Variants in MACROD2 observed in about 807,000 individuals in gnomAD.
The protein encoded by MACROD2 is ADP-ribose glycohydrolase MACROD2.
MACROD2 carries 36 observed loss-of-function variants against 70.4 expected under a neutral mutation model. The ratio of observed to expected loss-of-function variants is 0.51; its 90% CI spans 0.39 to 0.68. The LOEUF is 0.68. MACROD2 is among the 30% of genes least tolerant of loss of function. The pLI is 0.00. For missense variants in MACROD2, 496 were observed against 538.4 expected (o/e 0.92, Z 0.78); for synonymous variants, 172 against 178.8 (o/e 0.96, Z 0.30).
At chr20:15,215,574 T>C (rs1464376304) in intron 5 of MACROD2, among the ~76,000 whole-genome samples, 1 of 151,988 alleles carries the variant, frequency 6.6e-6, no homozygotes, top group African/African-American at 2.4e-5. Flanking sequence ...AAAATTTGTA[T>C]AAAACTATAT....
chr20:14,703,620 G>T (rs1313827531), intron 5 of MACROD2, among the ~76,000 whole-genome samples: 1 of 152,196 alleles, frequency 6.6e-6, no homozygotes, highest in Non-Finnish European at 1.5e-5. Context: ...GAGGCTTGAG[G>T]CCAGGAGTTC....
rs539132723 is a variant in MACROD2, at chr20:15,236,683, G to A, written c.540+6622G>A. ...AGCCAAAACCAAGGTGATGCATATC[G>A]TGATTCTGTTTCTCCACTAGCTAAG... is the stretch of plus-strand genomic sequence containing the variant. On this transcript the variant is annotated intron_variant, in intron 6 of 17. Transcript: ENST00000684519. Among the ~76,000 whole-genome samples, 3 of 152,280 alleles carry A rather than the reference G, an allele frequency of 2.0e-5. No homozygotes were observed. The South Asian group carries it at 6.2e-4, about 32-fold the overall frequency.
At chr20:15,414,472 A>G (rs1386535227) in intron 6 of MACROD2, among the ~76,000 whole-genome samples, 2 of 152,236 alleles carry the variant, frequency 1.3e-5, no homozygotes, top group Non-Finnish European at 2.9e-5. Context: ...TGTCATGGAC[A>G]GGTAGAAACC....
intron 8 of MACROD2, among the ~76,000 whole-genome samples, chr20:15,772,916 G>A (rs1391075029): frequency 6.6e-6 from 1 of 152,062 alleles, no homozygotes. Context: ...ATCAGATCTT[G>A]TGAGAACTCA....
At chr20:14,227,650 G>A (rs1197955400) in intron 3 of MACROD2, among the ~76,000 whole-genome samples, 2 of 152,332 alleles carry the variant, frequency 1.3e-5, no homozygotes, top group Non-Finnish European at 2.9e-5. Context: ...GAGGGTCCGC[G>A]GCTTCATTCT....
chr20:14,196,953 A>C (rs2081437679), intron 3 of MACROD2, among the ~76,000 whole-genome samples: 1 of 152,214 alleles, frequency 6.6e-6, no homozygotes. Flanking sequence ...CATTGTAATC[A>C]GATGGAGAGG....
chr20:14,938,973 T>C (rs1239756713), intron 5 of MACROD2, among the ~76,000 whole-genome samples: 1 of 147,674 alleles, frequency 6.8e-6, no homozygotes, highest in Non-Finnish European at 1.5e-5. Context: ...ACTATTGAGT[T>C]GTTTGAGCTT....
At chr20:15,405,437 CG>C (rs2045987587) in intron 6 of MACROD2, among the ~76,000 whole-genome samples, 1 of 152,116 alleles carries the variant, frequency 6.6e-6, no homozygotes, top group Admixed American at 6.6e-5. Context: ...GGCCCAGCAC[CG>C]TGGTGTGGCC....
chr20:14,468,135 C>G (rs1242332609), intron 3 of MACROD2, among the ~76,000 whole-genome samples: 1 of 151,874 alleles, frequency 6.6e-6, no homozygotes, highest in African/African-American at 2.4e-5. Flanking sequence ...TCTGCTTGGT[C>G]CGGAGCTGAG....
At chr20:15,574,547 A>C (rs2048418718) in intron 8 of MACROD2, among the ~76,000 whole-genome samples, 1 of 152,180 alleles carries the variant, frequency 6.6e-6, no homozygotes, top group African/African-American at 2.4e-5. Context: ...CCATGAAAGC[A>C]TAGGAATGTT....
intron 5 of MACROD2, among the ~76,000 whole-genome samples, chr20:14,953,113 A>G (rs1313606501): frequency 1.3e-5 from 2 of 152,104 alleles, no homozygotes; most frequent in East Asian, 3.9e-4. Flanking sequence ...CAGAAAAAAA[A>G]GGGCCTGGTC....
At chr20:15,794,876 A>T (rs1024171977) in intron 8 of MACROD2, among the ~76,000 whole-genome samples, 10 of 152,224 alleles carry the variant, frequency 6.6e-5, no homozygotes, top group African/African-American at 2.4e-4. Context: ...CTATGATCAG[A>T]TAGACCGATA....
intron 4 of MACROD2, among the ~76,000 whole-genome samples, chr20:14,565,359 AT>A (rs398121198): frequency 6.6e-6 from 1 of 150,654 alleles, no homozygotes; most frequent in Non-Finnish European, 1.5e-5. Flanking sequence ...AAAAAAAAAA[AT>A]TTTTTTTTAA....
intron 8 of MACROD2, among the ~76,000 whole-genome samples, chr20:15,624,532 G>T (rs1418485655): frequency 6.6e-6 from 1 of 152,170 alleles, no homozygotes; most frequent in East Asian, 1.9e-4. Context: ...ATTATATTAT[G>T]TGCAGACCGG....
At chr20:14,633,444 C>T (rs1984622587) in intron 4 of MACROD2, among the ~76,000 whole-genome samples, 1 of 152,190 alleles carries the variant, frequency 6.6e-6, no homozygotes. Flanking sequence ...AGCAGTTTCA[C>T]TCAACTACTC....
chr20:14,763,260 C>T (rs1368822509), intron 5 of MACROD2, among the ~76,000 whole-genome samples: 1 of 152,142 alleles, frequency 6.6e-6, no homozygotes, highest in East Asian at 1.9e-4. Flanking sequence ...GTATTCACAA[C>T]ATACAGTATG....
intron 3 of MACROD2, among the ~76,000 whole-genome samples, chr20:14,172,703 C>T (rs2081232622): frequency 1.3e-5 from 2 of 152,000 alleles, no homozygotes; most frequent in African/African-American, 2.4e-5. Flanking sequence ...CGATTTTTTG[C>T]CTGAATACCT....
chr20:14,924,155 A>T (rs944007681), intron 5 of MACROD2, among the ~76,000 whole-genome samples: 2 of 152,228 alleles, frequency 1.3e-5, no homozygotes, highest in African/African-American at 4.8e-5. Context: ...AAACAGAAAA[A>T]TAATACCATA....
At position 15,038,744 on chromosome 20, in the gene MACROD2, G is replaced by A. The variant is rs962833658; in HGVS notation, c.419-191196G>A. ...GAGGCCAGGTGATGGTCCCTAGTTG[G>A]ATGATCTGAAGACATCTTTTGATGC... On this transcript the variant is annotated intron_variant, in intron 5 of 17. Coordinates refer to ENST00000684519, the MANE Select transcript of MACROD2 (RefSeq NM_001351661.2). 3.3e-5 allele frequency among the ~76,000 whole-genome samples: 5 copies of A among 152,190 alleles called. No homozygotes were observed. In the East Asian group the frequency reaches 9.6e-4, roughly 29 times the overall value.
Sources: gnomAD v4.1 joint callset for allele counts (sites outside exome capture counted in the v4.1 genomes callset) on GRCh38, gnomAD v4.1.1 for gene constraint, MANE v1.5 for transcripts, NCBI Gene and HGNC (gene_info 2026-07-23, HGNC 2026-07-21) for gene names.